The following NEK7 variants were observed in gnomAD, a reference collection of about 807,000 sequenced individuals.
NEK7 encodes the protein NIMA related kinase 7, also known as serine/threonine-protein kinase Nek7.
In NEK7, 18 loss-of-function variants were observed where a neutral mutation model predicts 44.6. That is an observed-to-expected ratio of 0.40 (90% CI 0.28 to 0.60). The LOEUF (loss-of-function observed/expected upper bound fraction) is 0.60, where lower values mean the gene tolerates loss of function less well. Among genes scored for constraint, NEK7 ranks in the 20% least tolerant of loss-of-function variants. NEK7 has a pLI of 0.38. For missense variants in NEK7, 256 were observed against 366.5 expected, an observed-to-expected ratio of 0.70 and a Z score of 2.46; for synonymous variants, 130 against 121.1, an observed-to-expected ratio of 1.07 and a Z score of -0.48.
rs545994712 is a variant in NEK7, at chr1:198,209,192, C to T, written c.-28-23361C>T. On this transcript the variant is annotated intron_variant, in intron 1 of 9. Transcript: ENST00000367385. ...TTGGTAAAACTCTCCTCAGAAGGAG[C>T]GCTTGTCTGAACTATTTTGCCACTA... is the stretch of plus-strand genomic sequence containing the variant. 9.8e-4 allele frequency among the ~76,000 whole-genome samples: 143 copies of T among 146,132 alleles called. 2 individuals are homozygous for T. Among genetic ancestry groups the T allele is most frequent in the Middle Eastern group, 3.7e-3 (1 of 270 alleles).
intron 8 of NEK7, among the ~76,000 whole-genome samples, chr1:198,295,577 C>G (rs1289416836): frequency 6.7e-6 from 1 of 149,900 alleles, no homozygotes; most frequent in Non-Finnish European, 1.5e-5. Context: ...GCAGGAGATG[C>G]ATGAAAATAT....
intron 1 of NEK7, among the ~76,000 whole-genome samples, chr1:198,189,805 G>A (rs1571514380): frequency 6.6e-6 from 1 of 152,062 alleles, no homozygotes; most frequent in African/African-American, 2.4e-5. Context: ...CCTATAAATT[G>A]TAATCATTAT....
chr1:198,256,264 A>G, intron 3 of NEK7: 2 of 1,454,210 alleles, frequency 1.4e-6, no homozygotes, highest in Non-Finnish European at 1.8e-6. Flanking sequence ...GTGCCACTCC[A>G]TTTAGTTCAC....
chr1:198,159,226 A>G (rs1334933147), intron 1 of NEK7, among the ~76,000 whole-genome samples: 2 of 151,922 alleles, frequency 1.3e-5, no homozygotes, highest in African/African-American at 4.8e-5. Flanking sequence ...GGGCTCGGAG[A>G]AGGCCGCGTT....
intron 1 of NEK7, among the ~76,000 whole-genome samples, chr1:198,184,138 A>G (rs188456269): frequency 1.3e-5 from 2 of 152,350 alleles, no homozygotes; most frequent in East Asian, 3.9e-4. Context: ...TTACTGCTGT[A>G]TAGTGTGAAA....
At chr1:198,185,626 G>A (rs921101057) in intron 1 of NEK7, among the ~76,000 whole-genome samples, 3 of 152,078 alleles carry the variant, frequency 2.0e-5, no homozygotes, top group Non-Finnish European at 4.4e-5. Context: ...GACCATCCAT[G>A]AAATGTAAGC....
intron 1 of NEK7, among the ~76,000 whole-genome samples, chr1:198,202,906 C>G (rs1386780895): frequency 6.6e-6 from 1 of 152,084 alleles, no homozygotes; most frequent in Non-Finnish European, 1.5e-5. Context: ...CCAAATGACT[C>G]TAGGGTCAGG....
chr1:198,224,992 T>C (rs946725398), intron 1 of NEK7, among the ~76,000 whole-genome samples: 1 of 152,072 alleles, frequency 6.6e-6, no homozygotes, highest in Non-Finnish European at 1.5e-5. Flanking sequence ...GAGCTCAGGA[T>C]AGATACCTGC....
intron 1 of NEK7, among the ~76,000 whole-genome samples, chr1:198,190,687 A>G (rs1665049228): frequency 6.6e-6 from 1 of 152,094 alleles, no homozygotes; most frequent in African/African-American, 2.4e-5. Flanking sequence ...GTAATTGTTA[A>G]TGGAATTACA....
intron 3 of NEK7, among the ~76,000 whole-genome samples, chr1:198,259,979 A>T (rs1307574080): frequency 6.6e-6 from 1 of 152,178 alleles, no homozygotes; most frequent in Non-Finnish European, 1.5e-5. Context: ...TCTGTGTTGC[A>T]GTCTGCATTC....
At chr1:198,273,065 ATTATAT>A (rs1449814183) in intron 5 of NEK7, among the ~76,000 whole-genome samples, 1 of 151,758 alleles carries the variant, frequency 6.6e-6, no homozygotes, top group African/African-American at 2.4e-5. Flanking sequence ...GAATGAATTG[ATTATAT>A]TTATATTCTA....
At chr1:198,290,260 C>T (rs1173336240) in intron 7 of NEK7, among the ~76,000 whole-genome samples, 2 of 152,226 alleles carry the variant, frequency 1.3e-5, no homozygotes, top group African/African-American at 4.8e-5. Context: ...AATCATATCA[C>T]TCCATAACTC....
Position 198,183,135 on chromosome 1 carries a change from G to A in NEK7, c.-29+25859G>A, listed in dbSNP as rs574364105. 3.3e-5 allele frequency among the ~76,000 whole-genome samples: 5 copies of A among 152,296 alleles called. No homozygotes were observed. The East Asian group carries it at 9.6e-4, about 29-fold the overall frequency. ...TCTCTTTATAGCTGCCAAAATGGTG[G>A]TATTTGTGAAATGAAAAATCAACCC... On this transcript the variant is annotated intron_variant, in intron 1 of 9. Transcript: ENST00000367385.
intron 1 of NEK7, among the ~76,000 whole-genome samples, chr1:198,225,924 G>T (rs1666208934): frequency 6.6e-6 from 1 of 151,818 alleles, no homozygotes; most frequent in East Asian, 1.9e-4. Context: ...TACTTAATTT[G>T]TAGCAATAAT....
intron 3 of NEK7, among the ~76,000 whole-genome samples, chr1:198,257,297 A>G (rs896968792): frequency 6.6e-6 from 1 of 152,092 alleles, no homozygotes; most frequent in African/African-American, 2.4e-5. Flanking sequence ...CTTACCTTTT[A>G]TTTACTTATG....
At chr1:198,204,330 ATGT>A (rs1467256476) in intron 1 of NEK7, among the ~76,000 whole-genome samples, 2 of 152,184 alleles carry the variant, frequency 1.3e-5, no homozygotes, top group African/African-American at 2.4e-5. Context: ...CTGTGCTGTA[ATGT>A]TGTTACAGTA....
At chr1:198,247,900 G>T (rs1435372809) in intron 2 of NEK7, among the ~76,000 whole-genome samples, 3 of 152,152 alleles carry the variant, frequency 2.0e-5, no homozygotes, top group African/African-American at 7.2e-5. Context: ...TAGGATATGG[G>T]ATCATCAGCC....
chr1:198,209,453 T>C (rs2102813816), intron 1 of NEK7, among the ~76,000 whole-genome samples: 1 of 152,316 alleles, frequency 6.6e-6, no homozygotes, highest in South Asian at 2.1e-4. Context: ...CCTAACCTTA[T>C]TTGGCTTATA....
chr1:198,280,683 T>C (rs1365543580), intron 7 of NEK7, among the ~76,000 whole-genome samples: 2 of 150,516 alleles, frequency 1.3e-5, no homozygotes, highest in Non-Finnish European at 3.0e-5. Flanking sequence ...TACCAAGTTT[T>C]ATCAAAATCA....
Sources: gnomAD v4.1 joint callset for allele counts (sites outside exome capture counted in the v4.1 genomes callset) on GRCh38, gnomAD v4.1.1 for gene constraint, MANE v1.5 for transcripts, NCBI Gene and HGNC (gene_info 2026-07-23, HGNC 2026-07-21) for gene names.